The following DLG2 variants were observed in gnomAD, a reference collection of about 807,000 sequenced individuals.
DLG2 encodes the protein disks large homolog 2.
In DLG2, 45 loss-of-function variants were observed where a neutral mutation model predicts 132.5. That is an observed-to-expected ratio of 0.34 (90% CI 0.27 to 0.44). DLG2 has a LOEUF of 0.44. Among genes scored for constraint, DLG2 ranks in the 20% least tolerant of loss-of-function variants. DLG2 has a pLI of 1.00. For missense variants in DLG2, 1,045 were observed against 1,196.9 expected (o/e 0.87, Z 1.87); for synonymous variants, 424 against 419.6 (o/e 1.01, Z -0.13).
At chr11:84,444,795 T>C (rs1303485571) in intron 7 of DLG2, among the ~76,000 whole-genome samples, 3 of 148,618 alleles carry the variant, frequency 2.0e-5, no homozygotes, top group Non-Finnish European at 4.4e-5. Context: ...ATGTTATTAT[T>C]GTATACTTTT....
intron 19 of DLG2, among the ~76,000 whole-genome samples, chr11:83,568,927 G>A (rs2096753141): frequency 6.6e-6 from 1 of 152,168 alleles, no homozygotes; most frequent in Admixed American, 6.6e-5. Flanking sequence ...TTAAGCCGAA[G>A]CCCTACTTCC....
chr11:85,329,032 C>A (rs2081568163), intron 3 of DLG2, among the ~76,000 whole-genome samples: 1 of 115,464 alleles, frequency 8.7e-6, no homozygotes. Flanking sequence ...ACAATTGCTT[C>A]AAAGAGAATA....
At chr11:84,317,282 G>C in intron 7 of DLG2, 1 of 1,467,070 alleles carries the variant, frequency 6.8e-7, no homozygotes, top group South Asian at 1.4e-5. Flanking sequence ...GCTGCTATAA[G>C]CAGTGCATCG....
chr11:84,980,499 A>G (rs2055583713), intron 6 of DLG2, among the ~76,000 whole-genome samples: 1 of 152,182 alleles, frequency 6.6e-6, no homozygotes, highest in African/African-American at 2.4e-5. Flanking sequence ...CTTACCCAGA[A>G]TAAGAAAGCT....
At chr11:84,078,746 C>T (rs189906555) in intron 10 of DLG2, among the ~76,000 whole-genome samples, 188 of 152,254 alleles carry the variant, frequency 1.2e-3, no homozygotes, top group African/African-American at 3.9e-3. Context: ...AGGACTAAGT[C>T]CTAGCTTCTC....
At chr11:84,219,421 A>T (rs1353074290) in intron 8 of DLG2, among the ~76,000 whole-genome samples, 1 of 152,242 alleles carries the variant, frequency 6.6e-6, no homozygotes, top group African/African-American at 2.4e-5. Context: ...ATAAAATCAT[A>T]ATTTTAGAAA....
At chr11:84,133,024 G>T (rs1266088344) in intron 9 of DLG2, among the ~76,000 whole-genome samples, 2 of 151,998 alleles carry the variant, frequency 1.3e-5, no homozygotes, top group Non-Finnish European at 2.9e-5. Flanking sequence ...GAACATCATT[G>T]CCTTTGACCA....
At chr11:85,145,533 C>T (rs1470457628) in intron 5 of DLG2, among the ~76,000 whole-genome samples, 1 of 151,724 alleles carries the variant, frequency 6.6e-6, no homozygotes, top group East Asian at 1.9e-4. Context: ...TTTCTTCTTT[C>T]CCCCATGGCT....
chr11:85,147,751 TA>T (rs779951683), intron 5 of DLG2, among the ~76,000 whole-genome samples: 8 of 151,902 alleles, frequency 5.3e-5, no homozygotes, highest in Non-Finnish European at 1.0e-4. Context: ...TATTTTATTT[TA>T]TTTTACTTTA....
At position 84,673,318 on chromosome 11, in the gene DLG2, A is replaced by C. The variant is rs74612461; in HGVS notation, c.358-138587T>G. Among the ~76,000 whole-genome samples, 71 of 152,230 alleles carry C rather than the reference A, an allele frequency of 4.7e-4. 1 individual carries two copies. In the East Asian group the frequency reaches 0.012, roughly 25 times the overall value. On this transcript the variant is annotated intron_variant, in intron 6 of 27. Transcript: ENST00000376104. ...ATTTGAGGTTTAAATTATATGCAAC[A>C]GAATCCACTTTCCAACCAATTTAGA...
intron 18 of DLG2, among the ~76,000 whole-genome samples, chr11:83,676,611 C>G: frequency 6.6e-6 from 1 of 152,230 alleles, no homozygotes; most frequent in South Asian, 2.1e-4. Flanking sequence ...TCTTCCCAAC[C>G]GCCTGTGAGA....
At chr11:83,520,600 TAGAAAGAC>T (rs2095439800) in intron 21 of DLG2, among the ~76,000 whole-genome samples, 1 of 151,642 alleles carries the variant, frequency 6.6e-6, no homozygotes, top group Non-Finnish European at 1.5e-5. Flanking sequence ...GGTAGATAGA[TAGAAAGAC>T]AGACAGACAG....
intron 7 of DLG2, among the ~76,000 whole-genome samples, chr11:84,425,764 G>T (rs1444713301): frequency 6.6e-6 from 1 of 152,076 alleles, no homozygotes; most frequent in Non-Finnish European, 1.5e-5. Context: ...AAGAGAAAGT[G>T]GTTAGTGAAG....
At chr11:85,107,037 T>C (rs1391718368) in intron 6 of DLG2, among the ~76,000 whole-genome samples, 1 of 152,046 alleles carries the variant, frequency 6.6e-6, no homozygotes, top group Non-Finnish European at 1.5e-5. Context: ...CAGTAACTAC[T>C]TCTTGAATAA....
chr11:85,394,506 C>A (rs1205283105), intron 3 of DLG2, among the ~76,000 whole-genome samples: 1 of 152,166 alleles, frequency 6.6e-6, no homozygotes, highest in Non-Finnish European at 1.5e-5. Flanking sequence ...ATGTCAGGCC[C>A]CGACCCTGCC....
intron 6 of DLG2, among the ~76,000 whole-genome samples, chr11:84,887,677 C>G (rs1053823181): frequency 7.2e-5 from 11 of 152,058 alleles, no homozygotes; most frequent in African/African-American, 2.7e-4. Flanking sequence ...TTATCAAGTA[C>G]CACCTTTTGA....
intron 6 of DLG2, among the ~76,000 whole-genome samples, chr11:84,914,845 G>A (rs1385423481): frequency 6.6e-6 from 1 of 152,132 alleles, no homozygotes; most frequent in African/African-American, 2.4e-5. Flanking sequence ...TTTCTCTTGG[G>A]GTTATTGTGA....
chr11:84,420,854 G>A (rs1034855842), intron 7 of DLG2, among the ~76,000 whole-genome samples: 43 of 150,514 alleles, frequency 2.9e-4, no homozygotes, highest in Admixed American at 2.8e-3. Flanking sequence ...ATTTTTAGTA[G>A]AGACGGGGTT....
chr11:84,496,969 T>C (rs2099186225), intron 7 of DLG2, among the ~76,000 whole-genome samples: 1 of 152,244 alleles, frequency 6.6e-6, no homozygotes, highest in East Asian at 1.9e-4. Flanking sequence ...CAGAGAATAA[T>C]AGGTTAAGAG....
Sources: allele counts gnomAD v4.1 joint callset (sites outside exome capture counted in the v4.1 genomes callset), GRCh38; gene constraint gnomAD v4.1.1; transcripts MANE v1.5; gene names NCBI Gene and HGNC (gene_info 2026-07-23, HGNC 2026-07-21).